TUBGCP3: variants seen among roughly 807,000 people sequenced by gnomAD.
TUBGCP3 encodes the protein tubulin gamma complex component 3, also known as gamma-tubulin complex component 3.
A neutral mutation model predicts 123.1 loss-of-function variants in TUBGCP3; 50 were observed. The ratio of observed to expected loss-of-function variants is 0.41; its 90% CI spans 0.32 to 0.51. The LOEUF is 0.51. Among genes scored for constraint, TUBGCP3 ranks in the 20% least tolerant of loss-of-function variants. The pLI, the probability that TUBGCP3 is intolerant of heterozygous loss-of-function variation, is 0.36. For missense variants in TUBGCP3, 882 were observed against 1,127.0 expected (o/e 0.78, Z 3.11); for synonymous variants, 405 against 413.9 (o/e 0.98, Z 0.26).
chr13:112,543,594 C>T (rs1878710159), intron 11 of TUBGCP3, among the ~76,000 whole-genome samples: 1 of 152,040 alleles, frequency 6.6e-6, no homozygotes, highest in Admixed American at 6.6e-5. Flanking sequence ...ATCATATTGA[C>T]AGATGAAAAG....
chr13:112,547,449 C>T, intron 10 of TUBGCP3, 171 bp downstream of exon 10: 1 of 1,159,970 alleles, frequency 8.6e-7, no homozygotes, highest in Non-Finnish European at 1.1e-6. Context: ...GACACAAAAG[C>T]AAGCCTGGAT....
chr13:112,516,434 G>A lies in TUBGCP3; in HGVS notation c.2086+6C>T. ...GTGCGGACCCGTGACCGTGCTGGGG[G>A]CTCACCTGGCATGTTTCTCAGGAGC... On this transcript the variant is annotated splice_donor_region_variant and intron_variant, in intron 17 of 21. Coordinates refer to ENST00000261965, the MANE Select transcript of TUBGCP3 (RefSeq NM_006322.6). The A allele has an allele frequency of 6.3e-7, 1 of 1,594,218 alleles. No homozygotes were observed. Among genetic ancestry groups the A allele is most frequent in the East Asian group, 2.3e-5 (1 of 44,356 alleles).
the TUBGCP3 span, chr13:112,602,905 T>C: frequency 6.6e-6 from 1 of 152,220 alleles, no homozygotes; most frequent in Non-Finnish European, 1.5e-5. Context: ...TTATTTAGTG[T>C]ATAATGTGAC....
At chr13:112,529,566 C>A (rs1056016935) in intron 11 of TUBGCP3, among the ~76,000 whole-genome samples, 3 of 152,180 alleles carry the variant, frequency 2.0e-5, no homozygotes, top group African/African-American at 4.8e-5. Context: ...CCTCTTCAAG[C>A]CGCTCCTGCG....
intron 6 of TUBGCP3, 50 bp downstream of exon 6, chr13:112,556,002 G>T: frequency 6.4e-7 from 1 of 1,560,048 alleles, no homozygotes; most frequent in South Asian, 1.2e-5. Context: ...AGGAGAGGCT[G>T]AATTCCAAGT....
At chr13:112,571,907 C>T (rs1308505769) in intron 1 of TUBGCP3, among the ~76,000 whole-genome samples, 2 of 152,220 alleles carry the variant, frequency 1.3e-5, no homozygotes, top group African/African-American at 2.4e-5. Context: ...TTTTCTTCTG[C>T]AGCTTCCTCA....
rs571694524 is a variant in TUBGCP3, at chr13:112,506,719, T to TA, written c.2087-2006dup. On this transcript the variant is annotated intron_variant, in intron 17 of 21. Transcript: ENST00000261965. ...GAATTATGAGTGTACTTTTCCCTACTAAAACTATAAATACGGTCTAAGATT... is the reference window on the plus strand; with the variant it reads ...GAATTATGAGTGTACTTTTCCCTACTAAAAACTATAAATACGGTCTAAGATT... Among the ~76,000 whole-genome samples, 109 of 152,234 alleles carry TA rather than the reference T, an allele frequency of 7.2e-4. 2 individuals are homozygous for TA. The highest frequency in any genetic ancestry group is 1.0e-3 in the Admixed American group (16 of 15,288).
intron 10 of TUBGCP3, chr13:112,546,953 T>C (rs1032242934): frequency 1.3e-5 from 2 of 152,526 alleles, no homozygotes; most frequent in Non-Finnish European, 1.5e-5. Flanking sequence ...AACTCGCCCA[T>C]CTCATGTCAT....
At chr13:112,525,461 T>C (rs937641526) in intron 13 of TUBGCP3, among the ~76,000 whole-genome samples, 11 of 152,242 alleles carry the variant, frequency 7.2e-5, no homozygotes, top group African/African-American at 1.4e-4. Context: ...AATAAGCTCA[T>C]GAAAGGAACA....
chr13:112,585,436 C>G (rs1328629084), intron 1 of TUBGCP3, among the ~76,000 whole-genome samples: 1 of 152,098 alleles, frequency 6.6e-6, no homozygotes, highest in Non-Finnish European at 1.5e-5. Flanking sequence ...GCAAAAAGAG[C>G]ATCACCTTTA....
At position 112,556,090 on chromosome 13, in the gene TUBGCP3, C is replaced by A. The variant is rs200683557; in HGVS notation, c.683G>T (p.Arg228Leu). The A allele has an allele frequency of 1.2e-6, 2 of 1,613,994 alleles. No individual in the cohort carries two copies. Among genetic ancestry groups the A allele is most frequent in the Non-Finnish European group, 1.7e-6 (2 of 1,179,970 alleles). ...TTCTCTCCTGGACCTTGTCATGTTG[C>A]GAGACACAGCACTGGGGACACCTTT... ...TSKGVPSAVS[R>L]NMTRSRREGD... is the part of the protein sequence containing the mutation. Residue 228 changes from arginine (R) to leucine (L), a missense_variant, in exon 6 of 22, where the codon CGC (arginine) becomes CTC (leucine). Around this residue, in one of 3 missense-constraint regions of TUBGCP3, gnomAD observed 713 missense variants for 874.0 expected, o/e 0.82. Transcript: ENST00000261965.
At chr13:112,582,844 A>G (rs1303237358) in intron 1 of TUBGCP3, among the ~76,000 whole-genome samples, 1 of 152,184 alleles carries the variant, frequency 6.6e-6, no homozygotes, top group African/African-American at 2.4e-5. Context: ...AATTATTTCA[A>G]TGAATGCAAG....
intron 20 of TUBGCP3, among the ~76,000 whole-genome samples, chr13:112,492,472 C>G (rs1014213659): frequency 6.6e-6 from 1 of 152,264 alleles, no homozygotes; most frequent in African/African-American, 2.4e-5. Context: ...CACCCCCATG[C>G]AGATGCAAGC....
chr13:112,548,762 C>A (rs1350169904), intron 8 of TUBGCP3, among the ~76,000 whole-genome samples: 2 of 152,162 alleles, frequency 1.3e-5, no homozygotes, highest in African/African-American at 2.4e-5. Flanking sequence ...CCATCAGAGA[C>A]ATGCAAATCA....
chr13:112,522,489 A>AGTCT lies in TUBGCP3; in HGVS notation c.1572_1575dup (p.Leu526ArgfsTer11). 1 of 1,613,682 alleles carries AGTCT rather than the reference A, an allele frequency of 6.2e-7. No homozygotes were observed. The highest frequency in any genetic ancestry group is 8.5e-7 in the Non-Finnish European group (1 of 1,179,596). ...ATCTTCCCCTGAAATGCATTTTCCA[A>AGTCT]GTCTGTGAATAGGTCTGCAGCTGTA... On this transcript the variant is annotated frameshift_variant, in exon 14 of 22. Transcript: ENST00000261965. LOFTEE classifies it high-confidence loss of function.
Position 112,545,996 on chromosome 13 carries a change from C to A in TUBGCP3, c.1169-131G>T. On this transcript the variant is annotated intron_variant, in intron 10 of 21. Coordinates refer to ENST00000261965, the MANE Select transcript of TUBGCP3 (RefSeq NM_006322.6). This position sits in a 1 kb window ranked among gnomAD's most constrained non-coding sequence, Gnocchi z 4.1. Reference sequence around the variant, plus strand: ...GCATTTGTTTTCTTACAGTTAATACCACTTTGGACCTAGAAGCAGCAGTAA... The same window carrying A: ...GCATTTGTTTTCTTACAGTTAATACAACTTTGGACCTAGAAGCAGCAGTAA... 2.1e-6 allele frequency: 2 copies of A among 953,050 alleles called. No individual in the cohort carries two copies. Among genetic ancestry groups the A allele is most frequent in the East Asian group, 2.6e-5 (1 of 38,448 alleles). 59.0% of individuals were successfully genotyped at this position (953,050 alleles called of 1,614,324 possible).
intron 20 of TUBGCP3, chr13:112,498,704 C>A: frequency 7.1e-7 from 1 of 1,416,802 alleles, no homozygotes; most frequent in Non-Finnish European, 9.3e-7. Flanking sequence ...GATCCACAAG[C>A]TTCAAACACA....
chr13:112,595,400 T>C, the TUBGCP3 span, among the ~76,000 whole-genome samples: 2 of 152,162 alleles, frequency 1.3e-5, no homozygotes, highest in Non-Finnish European at 2.9e-5. Context: ...GGTTTCACCA[T>C]GTTAGCCAGG....
rs1879655397 is a variant in TUBGCP3 at position 112,486,158 on chromosome 13, A to T, written c.2566-7T>A. ...AAAACTGCTGCACGATACCCTAAAAAGAAGCAAAAGGAGTAAAATATTGTT... is the reference window on the plus strand; with the variant it reads ...AAAACTGCTGCACGATACCCTAAAATGAAGCAAAAGGAGTAAAATATTGTT... On this transcript the variant is annotated splice_polypyrimidine_tract_variant and splice_region_variant and intron_variant, in intron 21 of 21. Transcript: ENST00000261965. 6.2e-7 allele frequency: 1 copy of T among 1,608,352 alleles called. No individual in the cohort carries two copies.
Sources: gnomAD v4.1 joint callset for allele counts (sites outside exome capture counted in the v4.1 genomes callset) on GRCh38, gnomAD v4.1.1 for gene constraint, gnomAD v4.1.1 regional missense constraint, Gnocchi (gnomAD v3.1) non-coding constraint, MANE v1.5 for transcripts, NCBI Gene and HGNC (gene_info 2026-07-23, HGNC 2026-07-21) for gene names.